The following HECTD4 variants were observed in gnomAD, a reference collection of about 807,000 sequenced individuals.
The protein encoded by HECTD4 is probable E3 ubiquitin-protein ligase HECTD4.
In HECTD4, 114 loss-of-function variants were observed where a neutral mutation model predicts 471.5. That is an observed-to-expected ratio of 0.24 (90% confidence interval 0.21 to 0.28). The LOEUF is 0.28. Among genes scored for constraint, HECTD4 ranks in the 10% least tolerant of loss-of-function variants. The probability of loss-of-function intolerance (pLI) is 1.00; values close to 1 mark genes in which losing one functional copy is unlikely to be tolerated. For synonymous variants in HECTD4, 2,012 were observed against 2,256.0 expected (o/e 0.89, Z 3.07); for missense variants, 3,866 against 5,651.5 (o/e 0.68, Z 10.13).
intron 5 of HECTD4, 103 bp downstream of exon 5, chr12:112,309,458 A>G (rs1594032510): frequency 3.5e-6 from 2 of 567,756 alleles, no homozygotes; most frequent in East Asian, 3.0e-5. Flanking sequence ...TTTAGTTACT[A>G]GTCTATGGGG....
intron 55 of HECTD4, among the ~76,000 whole-genome samples, chr12:112,197,114 G>A (rs1040448359): frequency 1.3e-5 from 2 of 151,866 alleles, no homozygotes; most frequent in African/African-American, 4.8e-5. Flanking sequence ...GTCTCTCTAT[G>A]TTGCCCAGAC....
Position 112,235,329 on chromosome 12 carries a change from A to G in HECTD4, c.5726-63T>C, listed in dbSNP as rs1241070858. 1 of 1,536,412 alleles carries G rather than the reference A, an allele frequency of 6.5e-7. No homozygotes were observed. The highest frequency in any genetic ancestry group is 8.8e-7 in the Non-Finnish European group (1 of 1,134,922). ...AGTGTTGTTTTGGCGGCTCTGCTAAAATGAAAAATAATGGTTTGGGATTTG... is the reference window on the plus strand; with the variant it reads ...AGTGTTGTTTTGGCGGCTCTGCTAAGATGAAAAATAATGGTTTGGGATTTG... On this transcript the variant is annotated intron_variant, in intron 36 of 75. Coordinates refer to ENST00000682272, the MANE Select transcript of HECTD4 (RefSeq NM_001388303.1). The surrounding 1 kb of genome is among the most constrained non-coding windows in gnomAD (Gnocchi z 5.0).
intron 44 of HECTD4, among the ~76,000 whole-genome samples, chr12:112,222,534 G>A (rs2033125737): frequency 6.6e-6 from 1 of 152,166 alleles, no homozygotes; most frequent in African/African-American, 2.4e-5. Flanking sequence ...ACGTGTGGTG[G>A]CAGGCACCTG....
At chr12:112,175,413 T>A (rs181378032) in intron 66 of HECTD4, among the ~76,000 whole-genome samples, 1 of 152,334 alleles carries the variant, frequency 6.6e-6, no homozygotes, top group South Asian at 2.1e-4. Context: ...CCAGCACTGC[T>A]GACACCTTGA....
chr12:112,197,443 A>G (rs772567571), intron 55 of HECTD4, among the ~76,000 whole-genome samples: 11 of 152,184 alleles, frequency 7.2e-5, no homozygotes, highest in Admixed American at 2.0e-4. Context: ...TCAGCCTCCC[A>G]CTTAAATAGC....
chr12:112,335,320 G>A (rs1385836026), intron 1 of HECTD4, among the ~76,000 whole-genome samples: 1 of 152,192 alleles, frequency 6.6e-6, no homozygotes, highest in African/African-American at 2.4e-5. Context: ...GTAAGTGGGA[G>A]CTAAGTTATG....
intron 1 of HECTD4, among the ~76,000 whole-genome samples, chr12:112,320,317 G>C (rs1306062311): frequency 6.6e-6 from 1 of 152,034 alleles, no homozygotes; most frequent in Admixed American, 6.6e-5. Context: ...CTGAGTGACA[G>C]AGCGAGACCC....
intron 72 of HECTD4, 32 bp downstream of exon 72, chr12:112,167,285 T>C (rs748821725): frequency 1.4e-5 from 22 of 1,564,808 alleles, no homozygotes; most frequent in Non-Finnish European, 1.9e-5. Context: ...CCCCGGGTTC[T>C]GCAGCCCCCC....
At chr12:112,292,025 A>C (rs1321218606) in intron 7 of HECTD4, among the ~76,000 whole-genome samples, 2 of 152,162 alleles carry the variant, frequency 1.3e-5, no homozygotes, top group African/African-American at 2.4e-5. Flanking sequence ...TGAACCTTTA[A>C]AACACGATCC....
chr12:112,187,915 T>C (rs1217444563), intron 60 of HECTD4, among the ~76,000 whole-genome samples: 2 of 151,174 alleles, frequency 1.3e-5, no homozygotes, highest in Non-Finnish European at 2.9e-5. Flanking sequence ...CATGAGCCAC[T>C]GTGCCCAGCC....
intron 48 of HECTD4, 37 bp from the exon 49 acceptor site, chr12:112,212,687 C>T: frequency 6.5e-7 from 1 of 1,548,878 alleles, no homozygotes; most frequent in Non-Finnish European, 8.7e-7. Flanking sequence ...ATATTTTCTC[C>T]CTTTTATTAA....
At chr12:112,204,464 C>T (rs775853134) in intron 53 of HECTD4, 22 bp downstream of exon 53, 11 of 1,602,494 alleles carry the variant, frequency 6.9e-6, no homozygotes, top group African/African-American at 1.3e-5. Flanking sequence ...TTTCATAGGT[C>T]GAGTAAGGAG....
At chr12:112,191,677 G>A (rs1201931686) in intron 59 of HECTD4, among the ~76,000 whole-genome samples, 1 of 152,162 alleles carries the variant, frequency 6.6e-6, no homozygotes, top group African/African-American at 2.4e-5. Flanking sequence ...GAATGACAGA[G>A]ATCCTCTGTT....
At chr12:112,314,061 C>G (rs755110768) in intron 3 of HECTD4, among the ~76,000 whole-genome samples, 1 of 151,872 alleles carries the variant, frequency 6.6e-6, no homozygotes, top group Non-Finnish European at 1.5e-5. Flanking sequence ...TTTTTTGAAA[C>G]AGAGTCTCGC....
chr12:112,271,350 C>T (rs566456091), intron 11 of HECTD4, among the ~76,000 whole-genome samples: 2 of 151,922 alleles, frequency 1.3e-5, no homozygotes, highest in Admixed American at 6.6e-5. Flanking sequence ...TCAGTGTGGT[C>T]GAGACTAACA....
chr12:112,313,875 G>C (rs1259779837), intron 3 of HECTD4, among the ~76,000 whole-genome samples: 1 of 152,036 alleles, frequency 6.6e-6, no homozygotes. Context: ...GTGTATTTTT[G>C]TGTGTGACAG....
intron 29 of HECTD4, among the ~76,000 whole-genome samples, chr12:112,245,360 T>A (rs1481012975): frequency 6.6e-6 from 1 of 152,190 alleles, no homozygotes; most frequent in African/African-American, 2.4e-5. Context: ...TATAAAAAAA[T>A]TATAATTTTT....
rs914269047 is a variant in HECTD4 at position 112,193,339 on chromosome 12, G to C, written c.8955+130C>G. The C allele has an allele frequency of 1.3e-5, 18 of 1,349,932 alleles. No homozygotes were observed. The highest frequency in any genetic ancestry group is 1.7e-5 in the Non-Finnish European group (17 of 978,704). 83.6% of individuals were successfully genotyped at this position (1,349,932 alleles called of 1,614,324 possible). On this transcript the variant is annotated intron_variant, in intron 57 of 75. Coordinates refer to ENST00000682272, the MANE Select transcript of HECTD4 (RefSeq NM_001388303.1). The surrounding 1 kb of genome is among the most constrained non-coding windows in gnomAD (Gnocchi z 5.2). ...GCTACAGATGAGATAAAGCAGAAAA[G>C]CTTCTAGGAAAAGGAAATCGAGAGG...
intron 20 of HECTD4, 43 bp downstream of exon 20, chr12:112,258,453 G>C: frequency 7.1e-7 from 1 of 1,410,724 alleles, no homozygotes; most frequent in Non-Finnish European, 9.6e-7. Flanking sequence ...TTCACCCAAA[G>C]AAAACAAGAA....
Sources: gnomAD v4.1 joint callset for allele counts (sites outside exome capture counted in the v4.1 genomes callset) on GRCh38, gnomAD v4.1.1 for gene constraint, Gnocchi (gnomAD v3.1) non-coding constraint, MANE v1.5 for transcripts, NCBI Gene and HGNC (gene_info 2026-07-23, HGNC 2026-07-21) for gene names.